The following CFAP46 variants were observed in gnomAD, a reference collection of about 807,000 sequenced individuals.
The protein encoded by CFAP46 is cilia- and flagella-associated protein 46.
In CFAP46, 245 loss-of-function variants were observed where a neutral mutation model predicts 325.7. The ratio of observed to expected loss-of-function variants is 0.75; its 90% CI spans 0.68 to 0.84. The LOEUF (loss-of-function observed/expected upper bound fraction) is 0.84. Ranked by LOEUF, CFAP46 falls within the 40% of genes least tolerant of loss-of-function variation. The pLI is 0.00. For missense variants in CFAP46, 3,346 were observed against 3,543.0 expected (o/e 0.94, Z 1.41); for synonymous variants, 1,523 against 1,495.9 (o/e 1.02, Z -0.42).
At chr10:132,907,543 A>G (rs905635376) in intron 22 of CFAP46, among the ~76,000 whole-genome samples, 4 of 152,236 alleles carry the variant, frequency 2.6e-5, no homozygotes, top group Admixed American at 6.5e-5. Context: ...ATTTATTTTC[A>G]AATTTAATTA....
intron 53 of CFAP46, 36 bp downstream of exon 53, chr10:132,814,541 C>G: frequency 6.5e-7 from 1 of 1,550,258 alleles, no homozygotes; most frequent in Non-Finnish European, 8.7e-7. Context: ...CCGAGGCTGG[C>G]GTGTGCCTGA....
rs574033173 is a variant in CFAP46, at chr10:132,867,783, G to A, written c.4611-276C>T. 1.9e-3 allele frequency among the ~76,000 whole-genome samples: 289 copies of A among 152,276 alleles called. 1 individual carries two copies. The highest frequency in any genetic ancestry group is 6.5e-3 in the African/African-American group (271 of 41,570). ...GCATCTCCGACTCCATCTCTCCGGC[G>A]TGCCCAGCCCCGGCCCCGCTGTGCC... On this transcript the variant is annotated intron_variant, in intron 33 of 57. Transcript: ENST00000368586.
intron 22 of CFAP46, among the ~76,000 whole-genome samples, chr10:132,905,075 T>A (rs1269742962): frequency 6.6e-6 from 1 of 152,244 alleles, no homozygotes; most frequent in Non-Finnish European, 1.5e-5. Context: ...AGCTCGTCCT[T>A]CCTGCTCTAC....
chr10:132,824,702 A>C (rs1222750877), intron 50 of CFAP46, among the ~76,000 whole-genome samples: 1 of 33,696 alleles, frequency 3.0e-5, no homozygotes, highest in Non-Finnish European at 4.7e-5. Context: ...GTGTGCGCTG[A>C]TGTGTGCTGT....
At chr10:132,863,381 G>A (rs1187598643) in intron 35 of CFAP46, among the ~76,000 whole-genome samples, 4 of 152,100 alleles carry the variant, frequency 2.6e-5, no homozygotes, top group East Asian at 1.9e-4. Context: ...CTGTGTCTGC[G>A]GCTAAAAGAA....
At chr10:132,941,168 G>T in intron 3 of CFAP46, 108 bp from the exon 4 acceptor site, 1 of 1,060,894 alleles carries the variant, frequency 9.4e-7, no homozygotes, top group Non-Finnish European at 1.5e-6. Context: ...CCCCCTGTGT[G>T]TCACCTGTGT....
intron 1 of CFAP46, 92 bp from the exon 2 acceptor site, chr10:132,942,196 T>A: frequency 6.7e-7 from 1 of 1,490,694 alleles, no homozygotes; most frequent in Non-Finnish European, 9.0e-7. Flanking sequence ...GGCAGCCGCC[T>A]TGGGCCCCCG....
At chr10:132,842,821 T>G in intron 44 of CFAP46, among the ~76,000 whole-genome samples, 1 of 152,188 alleles carries the variant, frequency 6.6e-6, no homozygotes, top group South Asian at 2.1e-4. Flanking sequence ...GTGAGGGGGC[T>G]GTGTTAGCCC....
intron 39 of CFAP46, among the ~76,000 whole-genome samples, chr10:132,854,037 A>T (rs970398819): frequency 3.3e-5 from 5 of 151,672 alleles, no homozygotes; most frequent in African/African-American, 9.7e-5. Context: ...TTTAATTTTT[A>T]TTCCTCTGCT....
chr10:132,811,088 G>T, intron 55 of CFAP46, 57 bp from the exon 56 acceptor site: 1 of 1,459,446 alleles, frequency 6.9e-7, no homozygotes, highest in Non-Finnish European at 9.3e-7. Context: ...GAGTGGGGAT[G>T]GGGTGTGGGC....
chr10:132,926,271 C>T (rs761492943), intron 10 of CFAP46, among the ~76,000 whole-genome samples: 7 of 152,192 alleles, frequency 4.6e-5, no homozygotes, highest in East Asian at 1.9e-4. Flanking sequence ...CACCACACGG[C>T]GGGGAGGGGG....
rs1254435469 is a variant in CFAP46 at position 132,850,318 on chromosome 10, C to G, written c.5878G>C (p.Gly1960Arg). The G allele has an allele frequency of 1.9e-6, 3 of 1,551,808 alleles. No individual in the cohort carries two copies. In the Admixed American group the frequency reaches 5.9e-5, roughly 30 times the overall value. The change falls in exon 41 of 58, where the codon GGG becomes CGG. Residue 1960 changes from glycine to arginine, a missense_variant. Transcript: ENST00000368586. ...EIRARLLGLA[G>R]RALHLLAMQA... ...ATGGCCAGCAGGTGCAGGGCCCTCCCGGCCAGGCCCAGGAGCCGGGCGCGG... is the reference window on the plus strand; with the variant it reads ...ATGGCCAGCAGGTGCAGGGCCCTCCGGGCCAGGCCCAGGAGCCGGGCGCGG...
intron 5 of CFAP46, 36 bp downstream of exon 5, chr10:132,938,553 C>A (rs991899456): frequency 6.2e-7 from 1 of 1,601,146 alleles, no homozygotes; most frequent in South Asian, 1.1e-5. Context: ...GGCGGCCCAC[C>A]GGGAGGCCAC....
intron 8 of CFAP46, among the ~76,000 whole-genome samples, chr10:132,931,279 A>C (rs1440139765): frequency 3.4e-4 from 12 of 35,562 alleles, no homozygotes; most frequent in Non-Finnish European, 4.6e-4. Context: ...CCTTCCCCAC[A>C]CTCCCCACGC....
rs1270585305 is a variant in CFAP46, at chr10:132,878,052, T to C, written c.4041A>G (p.Glu1347=). The C allele has an allele frequency of 2.6e-6, 4 of 1,550,704 alleles. No individual in the cohort carries two copies. In the African/African-American group the frequency reaches 5.5e-5, roughly 21 times the overall value. The change falls in exon 30 of 58, where the codon GAA becomes GAG. Residue 1347 remains glutamate (E), a synonymous_variant. Transcript: ENST00000368586. ...AGCTGGTTGCTGCCAGGGGTCTGTT[T>C]TCCAGAACTGATTTTCCTGCTGTCA... is the stretch of plus-strand genomic sequence containing the variant. The part of the protein sequence containing the change: ...SLMTAGKSVL[E]NRPLAATSSH...
chr10:132,911,825 C>T (rs1328416388), intron 19 of CFAP46, among the ~76,000 whole-genome samples: 2 of 152,044 alleles, frequency 1.3e-5, no homozygotes. Context: ...CGTTCCAATC[C>T]GCCGTTTCTG....
chr10:132,848,016 G>A (rs770461866), intron 41 of CFAP46, among the ~76,000 whole-genome samples: 6 of 152,064 alleles, frequency 3.9e-5, no homozygotes, highest in Admixed American at 3.9e-4. Context: ...TGACATGCAC[G>A]GAGCCTGGCC....
chr10:132,904,256 C>T (rs944430585), intron 22 of CFAP46, among the ~76,000 whole-genome samples: 5 of 152,236 alleles, frequency 3.3e-5, no homozygotes, highest in African/African-American at 9.6e-5. Flanking sequence ...CAGTGACCAG[C>T]GAGGTGACCA....
In CFAP46 at chr10:132,913,068, C is replaced by T. The variant is rs570239419; in HGVS notation, c.2311G>A (p.Val771Ile). The part of the protein sequence containing the change: ...VDALYHLLSI[V>I]KATGHSGDPV... Reference sequence around the variant, plus strand: ...CACCCACTGTGGCCTGTGGCCTTAACGATGCTCAGGAGGTGGTACAGGGCG... The same window carrying T: ...CACCCACTGTGGCCTGTGGCCTTAATGATGCTCAGGAGGTGGTACAGGGCG... The change falls in exon 18 of 58, where the codon GTT (valine) becomes ATT (isoleucine). Residue 771 changes from valine to isoleucine, a missense_variant. Coordinates refer to ENST00000368586, the MANE Select transcript of CFAP46 (RefSeq NM_001200049.3). The T allele has an allele frequency of 5.6e-5, 87 of 1,550,176 alleles. No homozygotes were observed. Among genetic ancestry groups the T allele is most frequent in the African/African-American group, 4.1e-4 (30 of 73,180 alleles).
Sources: gnomAD v4.1 joint callset for allele counts (sites outside exome capture counted in the v4.1 genomes callset) on GRCh38, gnomAD v4.1.1 for gene constraint, MANE v1.5 for transcripts, NCBI Gene and HGNC (gene_info 2026-07-23, HGNC 2026-07-21) for gene names.